Variants in AKT2 observed in about 807,000 individuals in gnomAD.
AKT2 encodes the protein RAC-beta serine/threonine-protein kinase.
AKT2 carries 16 observed loss-of-function variants against 58.6 expected under a neutral mutation model. That is an observed-to-expected ratio of 0.27 (90% confidence interval 0.18 to 0.41). The LOEUF is 0.41. Ranked by LOEUF, AKT2 falls within the 10% of genes least tolerant of loss-of-function variation. AKT2 has a pLI of 1.00. For missense variants in AKT2, 438 were observed against 661.0 expected (o/e 0.66, Z 3.70); for synonymous variants, 253 against 254.0 (o/e 1.00, Z 0.04).
chr19:40,272,271 T>C (rs1037629287), intron 1 of AKT2, among the ~76,000 whole-genome samples: 4 of 152,218 alleles, frequency 2.6e-5, no homozygotes, highest in African/African-American at 9.7e-5. Flanking sequence ...GGGTCCTTGT[T>C]TGCCCACTTT....
Position 40,237,644 on chromosome 19 carries a change from A to G in AKT2, c.831+325T>C, listed in dbSNP as rs1974113136. On this transcript the variant is annotated intron_variant, in intron 9 of 13. Coordinates refer to ENST00000392038, the MANE Select transcript of AKT2 (RefSeq NM_001626.6). This position sits in a 1 kb window ranked among gnomAD's most constrained non-coding sequence, Gnocchi z 4.5. ...AGTAAGACTCCTCAAAAATAAATAA[A>G]TAAATAAATACAAATAAAGTAGGTA... 2 of 316,864 alleles carry G rather than the reference A, an allele frequency of 6.3e-6. No individual in the cohort carries two copies. The allele number at this position is 316,864 out of a possible 1,614,324, so 19.6% of individuals were successfully genotyped here. A position where few individuals can be genotyped will look rare whatever the true frequency, so the allele number is the denominator to read the frequency against.
Position 40,238,565 on chromosome 19 carries a change from G to C in AKT2, c.708+340C>G, listed in dbSNP as rs1974175402. Among the ~76,000 whole-genome samples the C allele has an allele frequency of 6.6e-6, 1 of 152,100 alleles. No individual in the cohort carries two copies. The highest frequency in any genetic ancestry group is 1.5e-5 in the Non-Finnish European group (1 of 68,014). On this transcript the variant is annotated intron_variant, in intron 8 of 13. Coordinates refer to ENST00000392038, the MANE Select transcript of AKT2 (RefSeq NM_001626.6). The surrounding 1 kb of genome is among the most constrained non-coding windows in gnomAD (Gnocchi z 5.1). Reference sequence around the variant, plus strand: ...ACTTCGAGAGGACACGGGAACGGAGGGCTGCTAGGTTTTAACCCTTGGGGG... The same window carrying C: ...ACTTCGAGAGGACACGGGAACGGAGCGCTGCTAGGTTTTAACCCTTGGGGG...
intron 6 of AKT2, chr19:40,241,283 A>T (rs1018538542): frequency 6.3e-6 from 1 of 159,194 alleles, no homozygotes; most frequent in African/African-American, 2.4e-5. Context: ...ATGAACAGCT[A>T]ATTTGGTTGG....
chr19:40,243,048 A>T (rs1974508981), intron 4 of AKT2: 1 of 314,244 alleles, frequency 3.2e-6, no homozygotes, highest in Non-Finnish European at 6.3e-6. Flanking sequence ...AGGCTGAGGC[A>T]GGAGAATTGC....
rs1375877540 is a variant in AKT2, at chr19:40,234,356, C to T, written c.1367-405G>A. 5 of 245,210 alleles carry T rather than the reference C, an allele frequency of 2.0e-5. No individual in the cohort carries two copies. The South Asian group carries it at 4.8e-4, about 23-fold the overall frequency. 15.2% of individuals were successfully genotyped at this position (245,210 alleles called of 1,614,324 possible). On this transcript the variant is annotated intron_variant, in intron 13 of 13. Coordinates refer to ENST00000392038, the MANE Select transcript of AKT2 (RefSeq NM_001626.6). The surrounding 1 kb of genome is among the most constrained non-coding windows in gnomAD (Gnocchi z 4.7). ...ACCCTGTCCCTCTCTGTATGAAACC[C>T]TTCCATGGCTGGCTCCCGCCATGCA...
At chr19:40,258,322 CT>C (rs1975701102) in intron 2 of AKT2, among the ~76,000 whole-genome samples, 1 of 143,644 alleles carries the variant, frequency 7.0e-6, no homozygotes, top group Admixed American at 6.9e-5. Flanking sequence ...CTAAAACCAA[CT>C]GAACTGTATG....
chr19:40,241,842 G>A lies in AKT2; in HGVS notation c.573+96C>T, dbSNP rs1974425725. On this transcript the variant is annotated intron_variant, in intron 6 of 13. Coordinates refer to ENST00000392038, the MANE Select transcript of AKT2 (RefSeq NM_001626.6). ...AATTTGTGGGGGAAATAAGCCCACA[G>A]CAGCAGAAAGCGCGGGTAAGCGTCC... 4.5e-6 allele frequency: 7 copies of A among 1,557,194 alleles called. No homozygotes were observed. In the African/African-American group the frequency reaches 5.4e-5, roughly 12 times the overall value.
At chr19:40,267,895 C>T (rs1409815382) in intron 1 of AKT2, among the ~76,000 whole-genome samples, 3 of 152,172 alleles carry the variant, frequency 2.0e-5, no homozygotes, top group Admixed American at 2.0e-4. Flanking sequence ...AGGATGTTAG[C>T]TTGGTGTGCG....
chr19:40,271,191 A>C (rs940869002), intron 1 of AKT2, among the ~76,000 whole-genome samples: 10 of 146,046 alleles, frequency 6.8e-5, no homozygotes, highest in African/African-American at 7.9e-5. Context: ...AAAAAAAAAA[A>C]CATACGTACA....
At chr19:40,268,688 G>C (rs79109371) in intron 1 of AKT2, 40 of 152,816 alleles carry the variant, frequency 2.6e-4, no homozygotes, top group African/African-American at 9.6e-4. Flanking sequence ...CAGCACAGCT[G>C]GAGGGAGAGC....
At chr19:40,270,924 G>T (rs1199475461) in intron 1 of AKT2, among the ~76,000 whole-genome samples, 1 of 151,870 alleles carries the variant, frequency 6.6e-6, no homozygotes, top group African/African-American at 2.4e-5. Flanking sequence ...GAGCCAGGAG[G>T]ATTGCTTGAG....
At chr19:40,254,586 G>A (rs912357295) in intron 4 of AKT2, among the ~76,000 whole-genome samples, 1 of 151,706 alleles carries the variant, frequency 6.6e-6, no homozygotes, top group Non-Finnish European at 1.5e-5. Flanking sequence ...CCAGCATTTT[G>A]GGAGGCCGAG....
intron 2 of AKT2, among the ~76,000 whole-genome samples, chr19:40,261,095 G>C (rs948860038): frequency 6.6e-6 from 1 of 152,210 alleles, no homozygotes; most frequent in Admixed American, 6.5e-5. Flanking sequence ...AGGAGACAGG[G>C]GGTGCTATGA....
At chr19:40,239,937 G>T (rs527353928) in intron 7 of AKT2, 108 bp downstream of exon 7, 4 of 1,391,746 alleles carry the variant, frequency 2.9e-6, no homozygotes, top group Admixed American at 1.7e-5. Context: ...TGCCCTGCCC[G>T]CCTGGCCTAC....
intron 7 of AKT2, 85 bp downstream of exon 7, chr19:40,239,960 C>T: frequency 6.6e-7 from 1 of 1,520,564 alleles, no homozygotes; most frequent in African/African-American, 1.4e-5. Context: ...CAAGACTGTG[C>T]TTTGTACCAG....
At chr19:40,279,872 G>A (rs7259541) in intron 1 of AKT2, among the ~76,000 whole-genome samples, 37,454 of 151,954 alleles carry the variant, frequency 0.25, 5,797 homozygotes, top group South Asian at 0.48. Flanking sequence ...CTTGTAAAGC[G>A]GGAATCAGAG....
chr19:40,257,160 C>T (rs947852348), intron 2 of AKT2, 106 bp from the exon 3 acceptor site: 142 of 1,456,218 alleles, frequency 9.8e-5, no homozygotes, highest in Non-Finnish European at 1.2e-4. Flanking sequence ...AGGGGTACCA[C>T]GGGGCGGGGA....
rs1973651960 is a variant in AKT2 at position 40,230,554 on chromosome 19, A to C, written c.*3318T>G. The stretch of plus-strand genomic sequence containing the variant: ...CCCCCAGAGGCTTCACATTAACTGG[A>C]AAAGATTACACAAAAAGAGCAGGAA... On this transcript the variant is annotated 3_prime_UTR_variant, in exon 14 of 14. Transcript: ENST00000392038. 4.4e-6 allele frequency: 1 copy of C among 227,290 alleles called. No individual in the cohort carries two copies. The highest frequency in any genetic ancestry group is 8.7e-6 in the Non-Finnish European group (1 of 114,368). 14.1% of individuals were successfully genotyped at this position (227,290 alleles called of 1,614,324 possible). A position where few individuals can be genotyped will look rare whatever the true frequency, so the allele number is the denominator to read the frequency against.
chr19:40,238,631 C>T lies in AKT2; in HGVS notation c.708+274G>A, dbSNP rs923381680. On this transcript the variant is annotated intron_variant, in intron 8 of 13. Transcript: ENST00000392038. The surrounding 1 kb of genome is among the most constrained non-coding windows in gnomAD (Gnocchi z 5.1). ...TTAAGACCATCCTTCCCAGTGCTATCGCCCCACAGCCCTCTCCACACCTCT... is the reference window on the plus strand; with the variant it reads ...TTAAGACCATCCTTCCCAGTGCTATTGCCCCACAGCCCTCTCCACACCTCT... Among the ~76,000 whole-genome samples, 9 of 152,142 alleles carry T rather than the reference C, an allele frequency of 5.9e-5. No individual in the cohort carries two copies. Among genetic ancestry groups the T allele is most frequent in the East Asian group, 1.9e-4 (1 of 5,176 alleles).
Sources: gnomAD v4.1 joint callset for allele counts (sites outside exome capture counted in the v4.1 genomes callset) on GRCh38, gnomAD v4.1.1 for gene constraint, Gnocchi (gnomAD v3.1) non-coding constraint, MANE v1.5 for transcripts, NCBI Gene and HGNC (gene_info 2026-07-23, HGNC 2026-07-21) for gene names.